Variants in EXOC4 observed in about 807,000 individuals in gnomAD.
EXOC4 encodes SEC8-like 1.
A neutral mutation model predicts 107.2 loss-of-function variants in EXOC4; 71 were observed. The observed-to-expected ratio is 0.66, with a 90% CI of 0.55 to 0.81. The LOEUF (loss-of-function observed/expected upper bound fraction) is 0.81. Ranked by LOEUF, EXOC4 falls within the 30% of genes least tolerant of loss-of-function variation. The pLI is 0.00. For synonymous variants in EXOC4, 456 were observed against 441.2 expected (o/e 1.03, Z -0.42); for missense variants, 1,108 against 1,189.6 (o/e 0.93, Z 1.01).
chr7:133,488,481 A>G (rs182964912), intron 9 of EXOC4, among the ~76,000 whole-genome samples: 1 of 152,278 alleles, frequency 6.6e-6, no homozygotes, highest in Non-Finnish European at 1.5e-5. Flanking sequence ...CTAAAGACTC[A>G]GAGGCAGACA....
intron 5 of EXOC4, among the ~76,000 whole-genome samples, chr7:133,336,935 A>C (rs1364996033): frequency 6.6e-6 from 1 of 151,854 alleles, no homozygotes; most frequent in Non-Finnish European, 1.5e-5. Flanking sequence ...GGGTTTCACT[A>C]TGTTGGGCAG....
chr7:133,448,388 C>T (rs1798265873), intron 7 of EXOC4, among the ~76,000 whole-genome samples: 1 of 152,032 alleles, frequency 6.6e-6, no homozygotes, highest in Non-Finnish European at 1.5e-5. Flanking sequence ...GCCTTGACCT[C>T]CTGGGCTTAA....
intron 9 of EXOC4, among the ~76,000 whole-genome samples, chr7:133,538,600 G>C (rs1194033461): frequency 6.6e-6 from 1 of 152,082 alleles, no homozygotes; most frequent in Non-Finnish European, 1.5e-5. Flanking sequence ...AGCATCACTT[G>C]AGGCTGGGAA....
At chr7:134,037,901 C>T (rs1795427460) in intron 17 of EXOC4, among the ~76,000 whole-genome samples, 2 of 152,334 alleles carry the variant, frequency 1.3e-5, no homozygotes, top group East Asian at 3.9e-4. Context: ...TAGCGATCCT[C>T]AGCATCTTGC....
At chr7:133,789,641 A>G (rs1351328985) in intron 10 of EXOC4, among the ~76,000 whole-genome samples, 3 of 152,140 alleles carry the variant, frequency 2.0e-5, no homozygotes, top group African/African-American at 2.4e-5. Context: ...CAGTGACTGT[A>G]TTTGGTTATA....
chr7:133,984,344 T>G (rs1257729411), intron 14 of EXOC4, among the ~76,000 whole-genome samples: 1 of 152,220 alleles, frequency 6.6e-6, no homozygotes, highest in Non-Finnish European at 1.5e-5. Flanking sequence ...GAGCCTTCCA[T>G]GAATCTCCTT....
intron 14 of EXOC4, among the ~76,000 whole-genome samples, chr7:133,978,737 A>G (rs1243739467): frequency 6.6e-6 from 1 of 152,176 alleles, no homozygotes; most frequent in Non-Finnish European, 1.5e-5. Flanking sequence ...CTCTTCTGGA[A>G]GCTGCTGCAA....
At chr7:133,509,701 A>T (rs1799731632) in intron 9 of EXOC4, among the ~76,000 whole-genome samples, 1 of 152,164 alleles carries the variant, frequency 6.6e-6, no homozygotes, top group African/African-American at 2.4e-5. Context: ...AGAGAAATAA[A>T]TGTCTCTCTT....
intron 10 of EXOC4, among the ~76,000 whole-genome samples, chr7:133,788,964 A>G (rs976796916): frequency 6.6e-6 from 1 of 152,138 alleles, no homozygotes; most frequent in African/African-American, 2.4e-5. Context: ...TTGATACCCT[A>G]CACTGTCTCT....
chr7:133,414,800 C>G (rs1249344463), intron 7 of EXOC4, among the ~76,000 whole-genome samples: 1 of 152,052 alleles, frequency 6.6e-6, no homozygotes, highest in Non-Finnish European at 1.5e-5. Flanking sequence ...TTTACCAATT[C>G]AAAGTATACA....
intron 9 of EXOC4, among the ~76,000 whole-genome samples, chr7:133,620,274 G>A (rs935448956): frequency 1.3e-5 from 2 of 151,858 alleles, no homozygotes; most frequent in Admixed American, 1.3e-4. Context: ...TGATCCACCC[G>A]CCTCAGCCTC....
intron 9 of EXOC4, among the ~76,000 whole-genome samples, chr7:133,578,067 A>G (rs915782881): frequency 2.0e-5 from 3 of 152,182 alleles, no homozygotes; most frequent in South Asian, 2.1e-4. Context: ...TAGTTTTCCA[A>G]TTGAACATAC....
chr7:134,067,630 T>TACACACACACAC (rs1491203303), downstream of EXOC4, among the ~76,000 whole-genome samples: 23 of 20,272 alleles, frequency 1.1e-3, no homozygotes, highest in South Asian at 8.3e-3. Context: ...AACTCTTATA[T>TACACACACACAC]ATATATATAC....
intron 16 of EXOC4, among the ~76,000 whole-genome samples, chr7:134,005,827 A>G (rs558148753): frequency 1.3e-5 from 2 of 152,348 alleles, no homozygotes; most frequent in South Asian, 2.1e-4. Context: ...ACATTGTCCA[A>G]AGGATTGTGG....
chr7:133,361,596 A>G (rs987312928), intron 6 of EXOC4, among the ~76,000 whole-genome samples: 2 of 152,060 alleles, frequency 1.3e-5, no homozygotes, highest in Non-Finnish European at 2.9e-5. Flanking sequence ...GATGATACCA[A>G]TTTTTCATGT....
chr7:133,472,666 C>A (rs1798907047), intron 7 of EXOC4, among the ~76,000 whole-genome samples: 2 of 152,030 alleles, frequency 1.3e-5, no homozygotes, highest in African/African-American at 4.8e-5. Flanking sequence ...GTAAAGGCTA[C>A]TTTTTAAAGT....
chr7:133,677,801 C>CTT (rs34522992), intron 10 of EXOC4, among the ~76,000 whole-genome samples: 149,985 of 151,920 alleles, frequency 0.99, 74,065 homozygotes, highest in Middle Eastern at 1. Flanking sequence ...ACTTTGAGGG[C>CTT]TTTTTTTGTA....
chr7:133,425,088 C>T (rs113493680), intron 7 of EXOC4, among the ~76,000 whole-genome samples: 203 of 133,352 alleles, frequency 1.5e-3, no homozygotes, highest in African/African-American at 8.1e-3. Flanking sequence ...ACTGCAGTTA[C>T]GGTGGGCAGG....
intron 4 of EXOC4, among the ~76,000 whole-genome samples, chr7:133,315,920 C>T (rs549250764): frequency 2.6e-5 from 4 of 152,204 alleles, no homozygotes; most frequent in African/African-American, 9.6e-5. Flanking sequence ...AAGAATTGTT[C>T]GAGTAATGAT....
Sources: allele counts gnomAD v4.1 joint callset (sites outside exome capture counted in the v4.1 genomes callset), GRCh38; gene constraint gnomAD v4.1.1; transcripts MANE v1.5; gene names NCBI Gene and HGNC (gene_info 2026-07-23, HGNC 2026-07-21).